The following EXOC4 variants were observed in gnomAD, a reference collection of about 807,000 sequenced individuals.
The protein encoded by EXOC4 is exocyst complex component 4.
EXOC4 carries 71 observed loss-of-function variants against 107.2 expected under a neutral mutation model. The observed-to-expected ratio is 0.66, with a 90% CI of 0.55 to 0.81. The LOEUF (loss-of-function observed/expected upper bound fraction) is 0.81, where lower values mean the gene tolerates loss of function less well. EXOC4 is among the 30% of genes least tolerant of loss of function. The pLI is 0.00. For missense variants in EXOC4, 1,108 were observed against 1,189.6 expected, an observed-to-expected ratio of 0.93 and a Z score of 1.01; for synonymous variants, 456 against 441.2, an observed-to-expected ratio of 1.03 and a Z score of -0.42.
chr7:133,297,769 A>G (rs1794551263), intron 3 of EXOC4, among the ~76,000 whole-genome samples: 1 of 152,200 alleles, frequency 6.6e-6, no homozygotes, highest in Non-Finnish European at 1.5e-5. Context: ...GCTTGTTTAC[A>G]CTGAGCAGCA....
In EXOC4 at chr7:133,303,513, T is replaced by A. The variant is rs555836139; in HGVS notation, c.472-2364T>A. ...AAATGTTGCATTGACAACTATTTTCTTTAAATTGGTTTGAGTACCACTTAG... is the reference window on the plus strand; with the variant it reads ...AAATGTTGCATTGACAACTATTTTCATTAAATTGGTTTGAGTACCACTTAG... On this transcript the variant is annotated intron_variant, in intron 3 of 17. Coordinates refer to ENST00000253861, the MANE Select transcript of EXOC4 (RefSeq NM_021807.4). 2.0e-5 allele frequency among the ~76,000 whole-genome samples: 3 copies of A among 152,374 alleles called. No individual in the cohort carries two copies. In the South Asian group the frequency reaches 6.2e-4, roughly 32 times the overall value.
At chr7:133,907,283 T>C (rs1164218488) in intron 12 of EXOC4, among the ~76,000 whole-genome samples, 6 of 152,230 alleles carry the variant, frequency 3.9e-5, no homozygotes, top group Admixed American at 3.9e-4. Context: ...ATTTATTATG[T>C]GTAACTTTAT....
intron 10 of EXOC4, among the ~76,000 whole-genome samples, chr7:133,648,272 T>G (rs1803042712): frequency 6.6e-6 from 1 of 152,178 alleles, no homozygotes; most frequent in Non-Finnish European, 1.5e-5. Context: ...TAGGTCTTGG[T>G]CTGAAGTGAA....
chr7:133,965,482 A>AT (rs1434987210), intron 14 of EXOC4, among the ~76,000 whole-genome samples: 1 of 152,164 alleles, frequency 6.6e-6, no homozygotes, highest in African/African-American at 2.4e-5. Context: ...TAAGTCTTTA[A>AT]TCCATCTTGA....
intron 1 of EXOC4, among the ~76,000 whole-genome samples, chr7:133,267,709 T>G (rs1212735113): frequency 6.6e-6 from 1 of 152,184 alleles, no homozygotes; most frequent in South Asian, 2.1e-4. Flanking sequence ...AGTGAATATT[T>G]GTTGAATGAA....
rs1157359775 is a variant in EXOC4, at chr7:133,917,724, A to G, written c.2013A>G (p.Glu671=). ...AGCTGAGGCCAAAAAGAGAGGAGGA[A>G]GAAGATTTCATAAGGTAAAAGGTCC... ...PKQLRPKREE[E]EDFIRAAFGK... is the part of the protein sequence containing the mutation. The change falls in exon 13 of 18, where the codon GAA becomes GAG. Residue 671 remains glutamate, a synonymous_variant. Transcript: ENST00000253861. 3 of 1,614,104 alleles carry G rather than the reference A, an allele frequency of 1.9e-6. No homozygotes were observed. The highest frequency in any genetic ancestry group is 1.7e-6 in the Non-Finnish European group (2 of 1,179,984).
chr7:133,825,515 C>T (rs1797681032), intron 11 of EXOC4, among the ~76,000 whole-genome samples: 1 of 152,170 alleles, frequency 6.6e-6, no homozygotes, highest in South Asian at 2.1e-4. Flanking sequence ...GACACAGCTA[C>T]TTACAGTATA....
At chr7:133,497,971 C>T (rs150074300) in intron 9 of EXOC4, among the ~76,000 whole-genome samples, 31 of 152,108 alleles carry the variant, frequency 2.0e-4, no homozygotes, top group Admixed American at 3.9e-4. Flanking sequence ...ATTTTGAAAA[C>T]GTTTGTAGTT....
the EXOC4 span, among the ~76,000 whole-genome samples, chr7:134,100,331 C>T: frequency 1.3e-5 from 1 of 76,902 alleles, no homozygotes; most frequent in African/African-American, 3.7e-5. Flanking sequence ...GAGCAAGCCT[C>T]TACCAACAAC....
intron 10 of EXOC4, among the ~76,000 whole-genome samples, chr7:133,713,220 T>A (rs1794930452): frequency 6.6e-6 from 1 of 152,230 alleles, no homozygotes; most frequent in South Asian, 2.1e-4. Context: ...CAGTAGGTTT[T>A]ATAAGAATAA....
At chr7:133,945,351 A>C (rs1278276416) in intron 14 of EXOC4, among the ~76,000 whole-genome samples, 1 of 152,170 alleles carries the variant, frequency 6.6e-6, no homozygotes, top group Non-Finnish European at 1.5e-5. Context: ...CACTCTCTAT[A>C]TTTGGGAAAT....
intron 10 of EXOC4, among the ~76,000 whole-genome samples, chr7:133,666,807 C>G (rs1214935126): frequency 6.6e-6 from 1 of 152,184 alleles, no homozygotes; most frequent in Admixed American, 6.5e-5. Flanking sequence ...CAGTAGTATA[C>G]AATCAAGATC....
At chr7:134,025,353 A>G (rs1246241079) in intron 17 of EXOC4, among the ~76,000 whole-genome samples, 1 of 152,200 alleles carries the variant, frequency 6.6e-6, no homozygotes, top group Non-Finnish European at 1.5e-5. Flanking sequence ...ACTGGATTGC[A>G]TGCCCTGAAG....
At chr7:133,306,724 A>C (rs1476013021) in intron 4 of EXOC4, among the ~76,000 whole-genome samples, 5 of 152,022 alleles carry the variant, frequency 3.3e-5, no homozygotes, top group Non-Finnish European at 7.4e-5. Flanking sequence ...GACAAAAAGA[A>C]ATATAGATGT....
chr7:133,741,190 C>T (rs1035089931), intron 10 of EXOC4, among the ~76,000 whole-genome samples: 5 of 152,070 alleles, frequency 3.3e-5, no homozygotes, highest in African/African-American at 1.2e-4. Context: ...ACTTTGTCTC[C>T]TAAAGTAGCT....
At position 133,576,825 on chromosome 7, in the gene EXOC4, C is replaced by A. The variant is rs559825034; in HGVS notation, c.1418-53220C>A. 28 of 1,289,398 alleles carry A rather than the reference C, an allele frequency of 2.2e-5. 1 individual carries two copies. In the South Asian group the frequency reaches 3.3e-4, roughly 15 times the overall value. 79.9% of individuals were successfully genotyped at this position (1,289,398 alleles called of 1,614,324 possible). ...GCATGGCAAGTTTTACTGAACTCCT[C>A]GAGATTTAGGGCCAATTAATTCATC... On this transcript the variant is annotated intron_variant, in intron 9 of 17. Coordinates refer to ENST00000253861, the MANE Select transcript of EXOC4 (RefSeq NM_021807.4).
chr7:133,571,950 G>A (rs1801032405), intron 9 of EXOC4, among the ~76,000 whole-genome samples: 2 of 152,148 alleles, frequency 1.3e-5, no homozygotes, highest in South Asian at 2.1e-4. Flanking sequence ...TCTTAATATC[G>A]TCACATTGGC....
At chr7:133,874,126 G>A (rs921412913) in intron 11 of EXOC4, among the ~76,000 whole-genome samples, 1 of 152,150 alleles carries the variant, frequency 6.6e-6, no homozygotes, top group African/African-American at 2.4e-5. Context: ...GAAGGCTGGA[G>A]ATATCACCAT....
At chr7:133,937,471 C>G (rs41349850) in intron 13 of EXOC4, among the ~76,000 whole-genome samples, 3,620 of 152,218 alleles carry the variant, frequency 0.024, 304 homozygotes, top group Admixed American at 0.16. Context: ...TTTCTAGGTG[C>G]CAGATTAACT....
Sources: allele counts gnomAD v4.1 joint callset (sites outside exome capture counted in the v4.1 genomes callset), GRCh38; gene constraint gnomAD v4.1.1; transcripts MANE v1.5; gene names NCBI Gene and HGNC (gene_info 2026-07-23, HGNC 2026-07-21).